Variants in CACNA1B observed in about 807,000 individuals in gnomAD.
CACNA1B encodes the protein voltage-dependent N-type calcium channel subunit alpha-1B.
In CACNA1B, 70 loss-of-function variants were observed where a neutral mutation model predicts 247.2. That is an observed-to-expected ratio of 0.28 (90% CI 0.23 to 0.35). The LOEUF (loss-of-function observed/expected upper bound fraction) is 0.35, where lower values mean the gene tolerates loss of function less well. Among genes scored for constraint, CACNA1B ranks in the 10% least tolerant of loss-of-function variants. The pLI is 1.00. For missense variants in CACNA1B, 2,367 were observed against 3,197.4 expected (o/e 0.74, Z 6.26); for synonymous variants, 1,231 against 1,294.4 (o/e 0.95, Z 1.05).
chr9:138,023,065 G>A lies in CACNA1B; in HGVS notation c.2322G>A (p.Gln774=). ...ARSVWEQRAS[Q]LRLQNLRASC... is the part of the protein sequence containing the mutation. The stretch of plus-strand genomic sequence containing the variant: ...CGGTGTGGGAGCAGCGGGCCAGCCA[G>A]CTACGGCTGCAGAACCTGCGGGCCA... The change falls in exon 19 of 47, where the codon CAG becomes CAA. Residue 774 remains glutamine, a synonymous_variant. Transcript: ENST00000371372. 6.5e-7 allele frequency: 1 copy of A among 1,529,530 alleles called. No homozygotes were observed. Among genetic ancestry groups the A allele is most frequent in the Non-Finnish European group, 8.7e-7 (1 of 1,144,780 alleles). 94.7% of individuals were successfully genotyped at this position (1,529,530 alleles called of 1,614,324 possible).
intron 3 of CACNA1B, among the ~76,000 whole-genome samples, chr9:137,886,711 C>T (rs1406356073): frequency 6.7e-4 from 102 of 151,294 alleles, no homozygotes; most frequent in East Asian, 7.9e-4. Flanking sequence ...GAGCAGTCGG[C>T]GGGTGGACGG....
rs1451620230 is a variant in CACNA1B at position 137,914,213 on chromosome 9, G to T, written c.623-441G>T. 1.3e-5 allele frequency among the ~76,000 whole-genome samples: 2 copies of T among 151,986 alleles called. No homozygotes were observed. The highest frequency in any genetic ancestry group is 1.3e-4 in the Admixed American group (2 of 15,264). On this transcript the variant is annotated intron_variant, in intron 4 of 46. Transcript: ENST00000371372. This position sits in a 1 kb window ranked among gnomAD's most constrained non-coding sequence, Gnocchi z 4.3. The stretch of plus-strand genomic sequence containing the variant: ...CAGGATCCCCTGCCCTTAGCTCCCA[G>T]CATTCTCTGCTCTTCCCTCCTAGAA...
chr9:137,980,765 TG>T (rs1244657908), intron 12 of CACNA1B, among the ~76,000 whole-genome samples: 1 of 152,234 alleles, frequency 6.6e-6, no homozygotes, highest in Non-Finnish European at 1.5e-5. Flanking sequence ...TGGTATTTGG[TG>T]TTTGTTTCTG....
At chr9:138,112,132 C>CACACATGCGCATGCAA (rs1357090617) in intron 39 of CACNA1B, among the ~76,000 whole-genome samples, 1 of 152,190 alleles carries the variant, frequency 6.6e-6, no homozygotes, top group African/African-American at 2.4e-5. Context: ...CATGCATGCA[C>CACACATGCGCATGCAA]ACACGTCGGA....
In CACNA1B at chr9:138,051,537, C is replaced by T. The variant is rs1959279544; in HGVS notation, c.3711-555C>T. ...ATGCCTCTTGCATTGCCTCTGTATTCGTCCGACTTTTTCTCTTTCTTACTC... is the reference window on the plus strand; with the variant it reads ...ATGCCTCTTGCATTGCCTCTGTATTTGTCCGACTTTTTCTCTTTCTTACTC... On this transcript the variant is annotated intron_variant, in intron 24 of 46. Transcript: ENST00000371372. The surrounding 1 kb of genome is among the most constrained non-coding windows in gnomAD (Gnocchi z 4.3). 7.3e-6 allele frequency among the ~76,000 whole-genome samples: 1 copy of T among 136,196 alleles called. No homozygotes were observed. Among genetic ancestry groups the T allele is most frequent in the African/African-American group, 2.7e-5 (1 of 37,018 alleles). 89.3% of individuals were successfully genotyped at this position (136,196 alleles called of 152,430 possible). A position where few individuals can be genotyped will look rare whatever the true frequency, so the allele number is the denominator to read the frequency against.
intron 6 of CACNA1B, among the ~76,000 whole-genome samples, chr9:137,940,466 T>G (rs1243184292): frequency 6.6e-6 from 1 of 152,178 alleles, no homozygotes; most frequent in Non-Finnish European, 1.5e-5. Flanking sequence ...CTAGATGGAT[T>G]CACAGTAGAG....
Position 137,955,509 on chromosome 9 carries a change from G to C in CACNA1B, c.1071-189G>C, listed in dbSNP as rs563008969. The stretch of plus-strand genomic sequence containing the variant: ...CCTCTGGGTGCCCAGGGAGCTGTCT[G>C]GTGCTCTGGAGTGCTCATCTGGAGT... On this transcript the variant is annotated intron_variant, in intron 7 of 46. Coordinates refer to ENST00000371372, the MANE Select transcript of CACNA1B (RefSeq NM_000718.4). This position sits in a 1 kb window ranked among gnomAD's most constrained non-coding sequence, Gnocchi z 6.9. Among the ~76,000 whole-genome samples, 48 of 152,322 alleles carry C rather than the reference G, an allele frequency of 3.2e-4. No individual in the cohort carries two copies. The highest frequency in any genetic ancestry group is 1.4e-3 in the Admixed American group (22 of 15,312).
intron 10 of CACNA1B, among the ~76,000 whole-genome samples, chr9:137,969,931 C>T (rs990987529): frequency 6.6e-6 from 1 of 152,174 alleles, no homozygotes; most frequent in Non-Finnish European, 1.5e-5. Flanking sequence ...GCAGGGCTGG[C>T]CACATGCCAC....
At chr9:138,062,314 A>T (rs898835469) in intron 31 of CACNA1B, among the ~76,000 whole-genome samples, 1 of 152,146 alleles carries the variant, frequency 6.6e-6, no homozygotes, top group African/African-American at 2.4e-5. Context: ...ATACCAAGCA[A>T]CCCATCCACA....
chr9:137,961,334 C>T (rs989049017), intron 10 of CACNA1B, among the ~76,000 whole-genome samples: 3 of 152,204 alleles, frequency 2.0e-5, no homozygotes, highest in Admixed American at 2.0e-4. Context: ...GATGGTTTGA[C>T]TTCCCTTTCT....
At chr9:137,992,434 A>T (rs1039192358) in intron 15 of CACNA1B, among the ~76,000 whole-genome samples, 9 of 152,264 alleles carry the variant, frequency 5.9e-5, no homozygotes, top group South Asian at 2.1e-4. Flanking sequence ...TCTGAAATTT[A>T]TAAAACAATT....
At chr9:137,982,830 A>C (rs1470146288) in intron 12 of CACNA1B, among the ~76,000 whole-genome samples, 2 of 152,206 alleles carry the variant, frequency 1.3e-5, no homozygotes, top group Non-Finnish European at 2.9e-5. Context: ...TTGTATTGAT[A>C]GGGTTATCAC....
intron 25 of CACNA1B, 71 bp from the exon 26 acceptor site, chr9:138,053,775 T>C (rs1959389427): frequency 7.0e-5 from 46 of 657,340 alleles, no homozygotes; most frequent in South Asian, 2.3e-4. Context: ...GACCCTACCC[T>C]TCCCCCTCAT....
At chr9:137,911,639 G>A (rs1229015266) in intron 3 of CACNA1B, among the ~76,000 whole-genome samples, 3 of 152,192 alleles carry the variant, frequency 2.0e-5, no homozygotes, top group African/African-American at 4.8e-5. Flanking sequence ...GGCTGGTCTC[G>A]AACTCCTGAC....
At chr9:138,026,844 C>T (rs974236614) in intron 20 of CACNA1B, among the ~76,000 whole-genome samples, 3 of 152,208 alleles carry the variant, frequency 2.0e-5, no homozygotes, top group African/African-American at 4.8e-5. Flanking sequence ...AAGAAACTGA[C>T]AAACTATCTT....
At chr9:138,066,737 G>A (rs1215098359) in intron 31 of CACNA1B, among the ~76,000 whole-genome samples, 1 of 152,154 alleles carries the variant, frequency 6.6e-6, no homozygotes, top group Non-Finnish European at 1.5e-5. Flanking sequence ...GATAACAGCT[G>A]AAGCAGTACT....
chr9:138,120,585 C>G, intron 45 of CACNA1B, 46 bp from the exon 46 acceptor site: 1 of 1,465,726 alleles, frequency 6.8e-7, no homozygotes, highest in Non-Finnish European at 9.0e-7. Context: ...GTCAGGGGTC[C>G]CTGCCTTGGG....
intron 6 of CACNA1B, among the ~76,000 whole-genome samples, chr9:137,918,186 A>G (rs1026778681): frequency 1.3e-5 from 2 of 151,766 alleles, no homozygotes; most frequent in African/African-American, 4.8e-5. Flanking sequence ...TTTGGTGGCC[A>G]TGATTGAAGT....
rs1382027177 is a variant in CACNA1B, at chr9:138,014,385, G to C, written c.2267+1150G>C. Among the ~76,000 whole-genome samples, 1 of 152,202 alleles carries C rather than the reference G, an allele frequency of 6.6e-6. No individual in the cohort carries two copies. Among genetic ancestry groups the C allele is most frequent in the Non-Finnish European group, 1.5e-5 (1 of 68,040 alleles). ...CTAGCAGAAAGTGCTGGTCTTTGGG[G>C]CAGAAGCAGCTAGAAGAGGCTGCAG... On this transcript the variant is annotated intron_variant, in intron 18 of 46. Coordinates refer to ENST00000371372, the MANE Select transcript of CACNA1B (RefSeq NM_000718.4). This position sits in a 1 kb window ranked among gnomAD's most constrained non-coding sequence, Gnocchi z 6.2.
Sources: allele counts gnomAD v4.1 joint callset (sites outside exome capture counted in the v4.1 genomes callset), GRCh38; gene constraint gnomAD v4.1.1; non-coding constraint Gnocchi (gnomAD v3.1); transcripts MANE v1.5; gene names NCBI Gene and HGNC (gene_info 2026-07-23, HGNC 2026-07-21).